Variants in DNAJB6 observed in about 807,000 individuals in gnomAD.
DNAJB6 encodes the protein dnaJ homolog subfamily B member 6.
In DNAJB6, 16 loss-of-function variants were observed where a neutral mutation model predicts 42.7. That is an observed-to-expected ratio of 0.37 (90% confidence interval 0.25 to 0.57). DNAJB6 has a LOEUF of 0.57. Among genes scored for constraint, DNAJB6 ranks in the 20% least tolerant of loss-of-function variants. The pLI is 0.74. For missense variants in DNAJB6, 347 were observed against 416.8 expected, an observed-to-expected ratio of 0.83 and a Z score of 1.46; for synonymous variants, 170 against 163.5, an observed-to-expected ratio of 1.04 and a Z score of -0.30.
rs941445917 is a variant in DNAJB6 at position 157,396,100 on chromosome 7, A to C, written c.691+10489A>C. Among the ~76,000 whole-genome samples the C allele has an allele frequency of 2.0e-5, 3 of 151,766 alleles. No homozygotes were observed. The East Asian group carries it at 5.8e-4, about 30-fold the overall frequency. ...ATAGCTAGGACTACTGGTGTGTGCCACCACGCCCAGCTAATATTTTGCATT... is the reference window on the plus strand; with the variant it reads ...ATAGCTAGGACTACTGGTGTGTGCCCCCACGCCCAGCTAATATTTTGCATT... On this transcript the variant is annotated intron_variant, in intron 8 of 9. Coordinates refer to ENST00000262177, the MANE Select transcript of DNAJB6 (RefSeq NM_058246.4).
rs183132286 is a variant in DNAJB6, at chr7:157,402,989, C to G, written c.692-6806C>G. Among the ~76,000 whole-genome samples, 102 of 152,278 alleles carry G rather than the reference C, an allele frequency of 6.7e-4. 1 individual carries two copies. Among genetic ancestry groups the G allele is most frequent in the African/African-American group, 2.4e-3 (100 of 41,552 alleles). ...GTTGAGGACACGCCCGTGACACAGCCTCAGGAGGCCCTGACGACAGGTGCC... is the reference window on the plus strand; with the variant it reads ...GTTGAGGACACGCCCGTGACACAGCGTCAGGAGGCCCTGACGACAGGTGCC... On this transcript the variant is annotated intron_variant, in intron 8 of 9. Coordinates refer to ENST00000262177, the MANE Select transcript of DNAJB6 (RefSeq NM_058246.4).
chr7:157,367,327 A>G, intron 4 of DNAJB6, 46 bp from the exon 5 acceptor site: 1 of 1,305,690 alleles, frequency 7.7e-7, no homozygotes, highest in Non-Finnish European at 1.1e-6. Context: ...CTTTGCCTAC[A>G]AAGCACCAAA....
At chr7:157,337,634 G>A (rs183130516) in intron 1 of DNAJB6, 2 of 152,404 alleles carry the variant, frequency 1.3e-5, no homozygotes, top group Admixed American at 1.3e-4. Flanking sequence ...AGCAGGTGGG[G>A]GACCGCAAAG....
At chr7:157,392,697 T>A (rs550532268) in intron 8 of DNAJB6, among the ~76,000 whole-genome samples, 3 of 152,312 alleles carry the variant, frequency 2.0e-5, no homozygotes, top group Admixed American at 6.5e-5. Context: ...AAATGAAAGG[T>A]GCAGTCAGTG....
chr7:157,389,858 A>G (rs774815300), intron 8 of DNAJB6, among the ~76,000 whole-genome samples: 16 of 152,216 alleles, frequency 1.1e-4, no homozygotes, highest in Non-Finnish European at 1.9e-4. Flanking sequence ...CCTTTTGTGC[A>G]GGGTATCAGT....
Position 157,367,489 on chromosome 7 carries a change from T to G in DNAJB6, c.346+6T>G. On this transcript the variant is annotated splice_donor_region_variant and intron_variant, in intron 5 of 9. Transcript: ENST00000262177. ...ATTTTCATTTGACTTCTTTGGTAAG[T>G]TAATCACGTGGGTTGACTTGGTGTG... The G allele has an allele frequency of 6.5e-7, 1 of 1,546,326 alleles. No homozygotes were observed. Among genetic ancestry groups the G allele is most frequent in the Non-Finnish European group, 8.9e-7 (1 of 1,118,122 alleles).
chr7:157,406,031 CAGG>C (rs1795755572), intron 8 of DNAJB6, among the ~76,000 whole-genome samples: 2 of 152,356 alleles, frequency 1.3e-5, no homozygotes, highest in East Asian at 1.9e-4. Context: ...GCAGCTGCAG[CAGG>C]AGGACGCCCA....
chr7:157,405,703 C>G (rs557958603), intron 8 of DNAJB6, among the ~76,000 whole-genome samples: 29 of 152,168 alleles, frequency 1.9e-4, no homozygotes, highest in Non-Finnish European at 3.8e-4. Flanking sequence ...CAATTAAACC[C>G]GAACCTCAGG....
chr7:157,391,435 A>G (rs144001528), intron 8 of DNAJB6, among the ~76,000 whole-genome samples: 1 of 151,858 alleles, frequency 6.6e-6, no homozygotes, highest in African/African-American at 2.4e-5. Context: ...TTCCGTGTCC[A>G]TGGGTCAGTG....
At chr7:157,380,161 C>G (rs969842487) in intron 5 of DNAJB6, 1 of 152,160 alleles carries the variant, frequency 6.6e-6, no homozygotes, top group African/African-American at 2.4e-5. Context: ...AAGAGAGTTA[C>G]CGCATAATCA....
chr7:157,407,874 C>T (rs1209297901), intron 8 of DNAJB6, among the ~76,000 whole-genome samples: 3 of 152,186 alleles, frequency 2.0e-5, no homozygotes, highest in Non-Finnish European at 2.9e-5. Context: ...TCCCAGAGCC[C>T]TCCTCGCTCC....
intron 8 of DNAJB6, among the ~76,000 whole-genome samples, chr7:157,390,666 C>T (rs146538704): frequency 3.9e-5 from 6 of 152,166 alleles, no homozygotes; most frequent in Non-Finnish European, 8.8e-5. Flanking sequence ...GTGTGGTCAG[C>T]GCTGTGCTGC....
chr7:157,409,604 T>TC (rs1204872938), intron 8 of DNAJB6, among the ~76,000 whole-genome samples, 191 bp from the exon 9 acceptor site: 7 of 152,226 alleles, frequency 4.6e-5, no homozygotes, highest in African/African-American at 1.4e-4. Flanking sequence ...CTCACTTTTT[T>TC]CCCACTCTTG....
At chr7:157,369,548 C>G (rs919550018) in intron 5 of DNAJB6, 9 of 357,198 alleles carry the variant, frequency 2.5e-5, no homozygotes, top group African/African-American at 1.5e-4. Flanking sequence ...TATGATTAAA[C>G]AGGGCTTTCT....
chr7:157,410,107 G>C (rs1293625282), intron 9 of DNAJB6, 106 bp downstream of exon 9: 17 of 1,425,852 alleles, frequency 1.2e-5, no homozygotes, highest in Non-Finnish European at 1.5e-5. Flanking sequence ...GTTCTGACCT[G>C]AGCGGGCGTG....
At chr7:157,362,660 G>A (rs757154621) in intron 2 of DNAJB6, among the ~76,000 whole-genome samples, 1 of 152,178 alleles carries the variant, frequency 6.6e-6, no homozygotes, top group Non-Finnish European at 1.5e-5. Context: ...GAGCCACCAC[G>A]CCTGGCCTTT....
intron 8 of DNAJB6, among the ~76,000 whole-genome samples, chr7:157,400,075 C>T (rs1216922382): frequency 6.6e-6 from 1 of 152,192 alleles, no homozygotes; most frequent in Non-Finnish European, 1.5e-5. Flanking sequence ...CCAGTAAAGC[C>T]TTTGTAAAGC....
At position 157,403,442 on chromosome 7, in the gene DNAJB6, A is replaced by C. The variant is rs573054347; in HGVS notation, c.692-6353A>C. Among the ~76,000 whole-genome samples, 2 of 152,296 alleles carry C rather than the reference A, an allele frequency of 1.3e-5. 1 individual carries two copies. The highest frequency in any genetic ancestry group is 4.1e-4 in the South Asian group (2 of 4,828). On this transcript the variant is annotated intron_variant, in intron 8 of 9. Coordinates refer to ENST00000262177, the MANE Select transcript of DNAJB6 (RefSeq NM_058246.4). ...CCCCACGGGGAATTTCCTTGTGCAC[A>C]AATTGTGAGGGAGGTGTGTGGCTTT...
In DNAJB6 at chr7:157,385,019, A is replaced by T; in HGVS notation, c.620+11A>T. 2.5e-6 allele frequency: 4 copies of T among 1,610,280 alleles called. No homozygotes were observed. Among genetic ancestry groups the T allele is most frequent in the Non-Finnish European group, 1.7e-6 (2 of 1,177,676 alleles). On this transcript the variant is annotated intron_variant, in intron 7 of 9. Transcript: ENST00000262177. ...AATCACTACAAAGAGGTACTGTGGT[A>T]TTCTGCATTTTATATTTTTAGTAAG...
Sources: allele counts gnomAD v4.1 joint callset (sites outside exome capture counted in the v4.1 genomes callset), GRCh38; gene constraint gnomAD v4.1.1; transcripts MANE v1.5; gene names NCBI Gene and HGNC (gene_info 2026-07-23, HGNC 2026-07-21).